The following VPS39 variants were observed in gnomAD, a reference collection of about 807,000 sequenced individuals.
VPS39 encodes the protein VPS39 subunit of HOPS complex, also known as vam6/Vps39-like protein.
In VPS39, 70 loss-of-function variants were observed where a neutral mutation model predicts 121.0. The observed-to-expected ratio is 0.58, with a 90% CI of 0.48 to 0.71. The LOEUF (loss-of-function observed/expected upper bound fraction) is 0.71, where lower values mean the gene tolerates loss of function less well. Ranked by LOEUF, VPS39 falls within the 30% of genes least tolerant of loss-of-function variation. VPS39 has a pLI of 0.00. For synonymous variants in VPS39, 378 were observed against 398.1 expected, an observed-to-expected ratio of 0.95 and a Z score of 0.60; for missense variants, 818 against 1,051.5, an observed-to-expected ratio of 0.78 and a Z score of 3.07.
chr15:42,192,633 G>A (rs1355204126), intron 2 of VPS39, among the ~76,000 whole-genome samples: 1 of 152,134 alleles, frequency 6.6e-6, no homozygotes, highest in Admixed American at 6.5e-5. Flanking sequence ...AGGGGATGAA[G>A]AAAGGGCCCT....
intron 1 of VPS39, among the ~76,000 whole-genome samples, chr15:42,203,473 C>CA (rs58706734): frequency 0.019 from 2,474 of 127,890 alleles, 26 homozygotes; most frequent in Middle Eastern, 0.078. Context: ...GACTCTGTCT[C>CA]AAAAAAAAAA....
At position 42,160,609 on chromosome 15, in the gene VPS39, G is replaced by T; in HGVS notation, c.*145C>A. 1.4e-6 allele frequency: 1 copy of T among 720,998 alleles called. No homozygotes were observed. The highest frequency in any genetic ancestry group is 2.5e-5 in the East Asian group (1 of 39,768). The allele number at this position is 720,998 out of a possible 1,614,324, so 44.7% of individuals were successfully genotyped here. On this transcript the variant is annotated 3_prime_UTR_variant, in exon 25 of 25. Transcript: ENST00000318006. ...CCAGACCATGAGTCTAATTAATTCA[G>T]AGTTGTTCCAGGGCACAAGATAGCC...
intron 24 of VPS39, 44 bp downstream of exon 24, chr15:42,161,638 C>A (rs1468227459): frequency 1.3e-6 from 2 of 1,596,090 alleles, no homozygotes; most frequent in African/African-American, 1.3e-5. Context: ...CCCCTGGGAA[C>A]CTCCACAAAG....
chr15:42,180,664 A>C (rs892573873), intron 8 of VPS39, among the ~76,000 whole-genome samples: 1 of 152,276 alleles, frequency 6.6e-6, no homozygotes, highest in Non-Finnish European at 1.5e-5. Flanking sequence ...ACAAGACTGA[A>C]TAAGGATCTG....
intron 1 of VPS39, among the ~76,000 whole-genome samples, chr15:42,200,943 C>T (rs1444765682): frequency 1.3e-5 from 2 of 152,104 alleles, no homozygotes; most frequent in African/African-American, 4.8e-5. Flanking sequence ...CTGAAGGAAG[C>T]CAGACAAAAG....
At chr15:42,179,627 T>TAAAAA (rs1244268516) in intron 8 of VPS39, among the ~76,000 whole-genome samples, 2 of 136,248 alleles carry the variant, frequency 1.5e-5, no homozygotes, top group Non-Finnish European at 3.2e-5. Context: ...ATAAATAAAA[T>TAAAAA]AAAAAATAAA....
At chr15:42,174,169 C>T (rs905372459) in intron 10 of VPS39, among the ~76,000 whole-genome samples, 2 of 152,066 alleles carry the variant, frequency 1.3e-5, no homozygotes, top group Non-Finnish European at 2.9e-5. Flanking sequence ...ATCACCTGAA[C>T]CCAGGAGGTA....
In VPS39 at chr15:42,163,381, T is replaced by C. The variant is rs373339490; in HGVS notation, c.2144A>G (p.His715Arg). The C allele has an allele frequency of 4.6e-5, 74 of 1,614,150 alleles. 1 individual carries two copies. The East Asian group carries it at 5.3e-4, about 12-fold the overall frequency. The change falls in exon 21 of 25, where the codon CAC becomes CGC. Residue 715 changes from histidine (H) to arginine (R), a missense_variant. Transcript: ENST00000318006. ...TRMAEEYCHKHYDRNKDGNKD... is the reference protein window; with the variant it reads ...TRMAEEYCHKRYDRNKDGNKD... ...GTTGCCATCTTTGTTTCGGTCATAG[T>C]GTTTGTGGCAGTACCTGCAAGGGAG...
intron 4 of VPS39, 105 bp downstream of exon 4, chr15:42,191,020 T>C: frequency 7.5e-7 from 1 of 1,336,294 alleles, no homozygotes; most frequent in Non-Finnish European, 1.1e-6. Flanking sequence ...TTGGAACACG[T>C]CAGTTCATTG....
At chr15:42,160,881 T>C (rs772644725) in intron 24 of VPS39, 52 bp from the exon 25 acceptor site, 120 of 1,583,976 alleles carry the variant, frequency 7.6e-5, no homozygotes, top group African/African-American at 1.3e-5. Context: ...AGTGACCACT[T>C]CTCTGGCAGC....
intron 17 of VPS39, chr15:42,165,409 C>CT (rs2049222153): frequency 1.9e-6 from 1 of 513,522 alleles, no homozygotes; most frequent in Non-Finnish European, 3.4e-6. Flanking sequence ...CATCCTGGTA[C>CT]TTAAGCCTAT....
chr15:42,173,663 A>G (rs2049389962), intron 11 of VPS39, 60 bp downstream of exon 11: 1 of 1,581,578 alleles, frequency 6.3e-7, no homozygotes. Context: ...ATTTCTCCCC[A>G]TACTTTTCAG....
chr15:42,166,128 C>A (rs2049237866), intron 16 of VPS39, 31 bp downstream of exon 16: 1 of 1,602,404 alleles, frequency 6.2e-7, no homozygotes, highest in African/African-American at 1.3e-5. Context: ...AAGTGTTTAC[C>A]AGATAAATCC....
At chr15:42,165,445 G>A (rs1409418062) in intron 17 of VPS39, 3 of 473,506 alleles carry the variant, frequency 6.3e-6, no homozygotes, top group Non-Finnish European at 1.1e-5. Context: ...TCACTTTTGA[G>A]TTTCGCTTTG....
intron 1 of VPS39, among the ~76,000 whole-genome samples, chr15:42,203,627 G>A (rs1175696843): frequency 1.3e-5 from 2 of 152,014 alleles, no homozygotes; most frequent in East Asian, 3.9e-4. Flanking sequence ...GGTGACAAGT[G>A]TGAAATTCTG....
intron 7 of VPS39, among the ~76,000 whole-genome samples, chr15:42,185,221 C>T (rs1170853686): frequency 2.0e-5 from 3 of 151,238 alleles, no homozygotes; most frequent in East Asian, 3.9e-4. Flanking sequence ...CTCTGTCGCC[C>T]AGGCTGGAGT....
intron 11 of VPS39, among the ~76,000 whole-genome samples, chr15:42,170,336 G>A (rs900451753): frequency 6.6e-6 from 1 of 152,084 alleles, no homozygotes; most frequent in Admixed American, 6.6e-5. Context: ...AAGAACACAT[G>A]TCTACAAAAA....
intron 5 of VPS39, among the ~76,000 whole-genome samples, chr15:42,188,381 T>C (rs117170491): frequency 0.011 from 1,681 of 152,294 alleles, 19 homozygotes; most frequent in Non-Finnish European, 0.017. Flanking sequence ...AATAAAAGAA[T>C]GATAAATTGG....
intron 4 of VPS39, among the ~76,000 whole-genome samples, chr15:42,189,819 T>TTTTTTTTTTTTTTC (rs376361986): frequency 2.4e-5 from 2 of 82,706 alleles, no homozygotes; most frequent in African/African-American, 4.0e-5. Context: ...TTTTTTTTTT[T>TTTTTTTTTTTTTTC]TGAGGCACGG....
Sources: allele counts gnomAD v4.1 joint callset (sites outside exome capture counted in the v4.1 genomes callset), GRCh38; gene constraint gnomAD v4.1.1; transcripts MANE v1.5; gene names NCBI Gene and HGNC (gene_info 2026-07-23, HGNC 2026-07-21).